Variants in GSS observed in about 807,000 individuals in gnomAD.
The protein encoded by GSS is glutathione synthetase.
A neutral mutation model predicts 60.4 loss-of-function variants in GSS; 34 were observed. The ratio of observed to expected loss-of-function variants is 0.56; its 90% confidence interval spans 0.43 to 0.75. GSS has a LOEUF of 0.75. Ranked by LOEUF, GSS falls within the 30% of genes least tolerant of loss-of-function variation. The probability of loss-of-function intolerance (pLI) is 0.00; values close to 1 mark genes in which losing one functional copy is unlikely to be tolerated. For synonymous variants in GSS, 224 were observed against 239.0 expected (o/e 0.94, Z 0.58); for missense variants, 499 against 595.1 (o/e 0.84, Z 1.68).
At position 34,928,880 on chromosome 20, in the gene GSS, T is replaced by C. The variant is rs1311370705; in HGVS notation, c.1373A>G (p.Asp458Gly). 6.2e-7 allele frequency: 1 copy of C among 1,614,006 alleles called. No individual in the cohort carries two copies. Among genetic ancestry groups the C allele is most frequent in the African/African-American group, 1.3e-5 (1 of 74,998 alleles). ...LLRTKAIEHA[D>G]GGVAAGVAVL... is the part of the protein sequence containing the mutation. ...TGCCACTCCCGCTGCCACACCACCA[T>C]CTGCATGCTCGATGGCTTTGGTTCG... The change falls in exon 13 of 13, where the codon GAT (aspartate) becomes GGT (glycine). Residue 458 changes from aspartate to glycine, a missense_variant. Asp to Gly is a moderately conservative substitution (Grantham distance 94). Transcript: ENST00000651619.
At chr20:34,947,736 T>C (rs933783575) in intron 2 of GSS, among the ~76,000 whole-genome samples, 10 of 152,208 alleles carry the variant, frequency 6.6e-5, no homozygotes, top group African/African-American at 1.7e-4. Context: ...TCTTAGGATA[T>C]ACCATAATTT....
intron 1 of GSS, among the ~76,000 whole-genome samples, chr20:34,954,104 G>A (rs903478890): frequency 6.6e-6 from 1 of 152,196 alleles, no homozygotes; most frequent in Non-Finnish European, 1.5e-5. Context: ...TGACATTAGA[G>A]TAATGAAACC....
chr20:34,939,966 G>A (rs1278341715), intron 6 of GSS, among the ~76,000 whole-genome samples: 9 of 151,932 alleles, frequency 5.9e-5, no homozygotes, highest in Admixed American at 2.6e-4. Context: ...CACTGCACCC[G>A]GCCTATTATT....
intron 1 of GSS, chr20:34,954,732 C>T (rs1405572451): frequency 6.5e-6 from 1 of 153,576 alleles, no homozygotes; most frequent in East Asian, 1.9e-4. Flanking sequence ...ACTAGAATAT[C>T]CAATTTTTTC....
At chr20:34,931,310 A>G (rs1407622591) in intron 11 of GSS, 26 bp downstream of exon 11, 1 of 1,563,266 alleles carries the variant, frequency 6.4e-7, no homozygotes, top group Non-Finnish European at 8.8e-7. Flanking sequence ...CTCATTGAGG[A>G]GCCCTGCAAA....
At chr20:34,952,066 A>C in intron 1 of GSS, 1 of 615,050 alleles carries the variant, frequency 1.6e-6, no homozygotes, top group Non-Finnish European at 2.9e-6. Context: ...AAGCATTTCC[A>C]TTGCCACTCT....
At chr20:34,938,814 G>A (rs919344360) in intron 6 of GSS, among the ~76,000 whole-genome samples, 35 of 152,216 alleles carry the variant, frequency 2.3e-4, no homozygotes, top group Non-Finnish European at 4.7e-4. Context: ...AGCTAAGGAC[G>A]CATGCGGGCT....
Position 34,928,843 on chromosome 20 carries a change from G to T in GSS, c.1410C>A (p.Asn470Lys). The T allele has an allele frequency of 6.2e-7, 1 of 1,614,056 alleles. No homozygotes were observed. Among genetic ancestry groups the T allele is most frequent in the Middle Eastern group, 1.7e-4 (1 of 6,014 alleles). ...GGTTGTGCCCTCACACAGGGTATGG[G>T]TTGTCCAGGACTGCCACTCCCGCTG... ...GVAAGVAVLD[N>K]PYPV Residue 470 changes from asparagine to lysine, a missense_variant, in exon 13 of 13, where the codon AAC (asparagine) becomes AAA (lysine). Transcript: ENST00000651619.
chr20:34,936,901 A>C, intron 7 of GSS, 42 bp downstream of exon 7: 1 of 1,604,652 alleles, frequency 6.2e-7, no homozygotes, highest in Non-Finnish European at 8.5e-7. Flanking sequence ...CCCCACCCCT[A>C]ATCCTGGAGC....
chr20:34,941,869 C>T (rs1378641504), intron 5 of GSS, 40 bp from the exon 6 acceptor site: 7 of 1,096,802 alleles, frequency 6.4e-6, no homozygotes, highest in Non-Finnish European at 9.9e-6. Context: ...TTGGATGGAC[C>T]TGGAAGACCC....
At chr20:34,939,671 T>C (rs959679702) in intron 6 of GSS, among the ~76,000 whole-genome samples, 2 of 150,598 alleles carry the variant, frequency 1.3e-5, no homozygotes, top group Non-Finnish European at 2.9e-5. Flanking sequence ...GGTTTGTTTT[T>C]TGTTTTTTTT....
intron 3 of GSS, 32 bp from the exon 4 acceptor site, chr20:34,943,038 C>A: frequency 2.1e-6 from 3 of 1,459,666 alleles, no homozygotes; most frequent in Non-Finnish European, 1.9e-6. Context: ...ATTTTGCAGG[C>A]TTAATTGGAC....
intron 1 of GSS, 154 bp from the exon 2 acceptor site, chr20:34,952,014 G>A (rs775441158): frequency 1.9e-5 from 14 of 728,828 alleles, no homozygotes; most frequent in African/African-American, 5.2e-5. Context: ...GCTGGTTCTA[G>A]CTCTTAACAA....
At chr20:34,947,142 C>CA (rs1485618502) in intron 2 of GSS, among the ~76,000 whole-genome samples, 3 of 151,896 alleles carry the variant, frequency 2.0e-5, no homozygotes, top group African/African-American at 4.8e-5. Flanking sequence ...GGCTGGAGTG[C>CA]AGTGGTACAA....
In GSS at chr20:34,941,787, C is replaced by G. The variant is rs1375992733; in HGVS notation, c.534G>C (p.Lys178Asn). The G allele has an allele frequency of 2.5e-6, 4 of 1,611,496 alleles. No individual in the cohort carries two copies. Among genetic ancestry groups the G allele is most frequent in the Admixed American group, 1.7e-5 (1 of 60,000 alleles). ...SVLSKTKEAG[K>N]ILSNNPSKGL... Reference sequence around the variant, plus strand: ...CCTTGCTGGGATTATTAGAGAGGATCTTGCCAGCTTCTTTGGTCTTACTCA... The same window carrying G: ...CCTTGCTGGGATTATTAGAGAGGATGTTGCCAGCTTCTTTGGTCTTACTCA... Residue 178 changes from lysine to asparagine, a missense_variant, in exon 6 of 13, where the codon AAG becomes AAC. Coordinates refer to ENST00000651619, the MANE Select transcript of GSS (RefSeq NM_000178.4).
chr20:34,944,829 C>T (rs778192676), intron 3 of GSS, among the ~76,000 whole-genome samples: 4 of 152,074 alleles, frequency 2.6e-5, no homozygotes, highest in Admixed American at 2.0e-4. Flanking sequence ...TGACATCAGG[C>T]GTGGCGTTTT....
At chr20:34,948,730 G>A (rs2081542193) in intron 2 of GSS, among the ~76,000 whole-genome samples, 1 of 151,702 alleles carries the variant, frequency 6.6e-6, no homozygotes, top group Non-Finnish European at 1.5e-5. Flanking sequence ...GTTGCAGTGA[G>A]CTGAGATCGT....
rs2081381385 is a variant in GSS, at chr20:34,929,457, G to A, written c.1245C>T (p.Ser415=). 1 of 1,613,986 alleles carries A rather than the reference G, an allele frequency of 6.2e-7. No homozygotes were observed. The highest frequency in any genetic ancestry group is 1.3e-5 in the African/African-American group (1 of 74,928). The change falls in exon 12 of 13, where the codon AGC becomes AGT. Residue 415 remains serine (S), a synonymous_variant. Transcript: ENST00000651619. ...PFENCLLRPG[S]PARVVQCISE... ...AAATGCACTGGACCACTCGGGCAGG[G>A]CTGCCAGGCCGTAGCAGGCAATTCT...
intron 1 of GSS, chr20:34,952,896 ACTC>A (rs1164851659): frequency 6.6e-6 from 1 of 152,158 alleles, no homozygotes; most frequent in African/African-American, 2.4e-5. Flanking sequence ...AATAAGGTGA[ACTC>A]CTCCCTTATA....
Sources: allele counts gnomAD v4.1 joint callset (sites outside exome capture counted in the v4.1 genomes callset), GRCh38; gene constraint gnomAD v4.1.1; transcripts MANE v1.5; gene names NCBI Gene and HGNC (gene_info 2026-07-23, HGNC 2026-07-21).